Variants in KIAA1549 observed in about 807,000 individuals in gnomAD.
The protein encoded by KIAA1549 is UPF0606 protein KIAA1549.
In KIAA1549, 70 loss-of-function variants were observed where a neutral mutation model predicts 156.4. That is an observed-to-expected ratio of 0.45 (90% CI 0.37 to 0.55). KIAA1549 has a LOEUF of 0.55. Ranked by LOEUF, KIAA1549 falls within the 20% of genes least tolerant of loss-of-function variation. The pLI is 0.00. For synonymous variants in KIAA1549, 1,103 were observed against 1,066.4 expected (o/e 1.03, Z -0.67); for missense variants, 2,428 against 2,540.9 (o/e 0.96, Z 0.96).
chr7:138,885,935 C>A (rs963720564), intron 10 of KIAA1549, among the ~76,000 whole-genome samples: 5 of 152,140 alleles, frequency 3.3e-5, no homozygotes, highest in Admixed American at 3.3e-4. Flanking sequence ...CCTGTAGGAT[C>A]TGAGGCTACC....
At chr7:138,848,615 C>T (rs530298997) in intron 17 of KIAA1549, among the ~76,000 whole-genome samples, 29 of 152,236 alleles carry the variant, frequency 1.9e-4, no homozygotes, top group Admixed American at 1.1e-3. Flanking sequence ...GAGAAACTGG[C>T]CCTCAATTTC....
intron 17 of KIAA1549, among the ~76,000 whole-genome samples, chr7:138,847,070 C>G (rs1475329453): frequency 6.6e-6 from 1 of 152,222 alleles, no homozygotes; most frequent in African/African-American, 2.4e-5. Context: ...TAATCACAGT[C>G]TCTGGACCAT....
rs936230305 is a variant in KIAA1549 at position 138,835,062 on chromosome 7, T to C, written c.*2844A>G. On this transcript the variant is annotated 3_prime_UTR_variant, in exon 20 of 20. Coordinates refer to ENST00000422774, the MANE Select transcript of KIAA1549 (RefSeq NM_001164665.2). ...GAACTTTTAAAATAGGAAAAAAGAA[T>C]AGACATAAAATTCAACTGTTCATTG... 2.2e-5 allele frequency: 5 copies of C among 224,704 alleles called. No individual in the cohort carries two copies. The highest frequency in any genetic ancestry group is 8.9e-5 in the African/African-American group (4 of 44,806). 13.9% of individuals were successfully genotyped at this position (224,704 alleles called of 1,614,324 possible).
rs750870954 is a variant in KIAA1549 at position 138,918,492 on chromosome 7, T to C, written c.1134A>G (p.Ser378=). 1.2e-6 allele frequency: 2 copies of C among 1,613,976 alleles called. No individual in the cohort carries two copies. Among genetic ancestry groups the C allele is most frequent in the East Asian group, 4.5e-5 (2 of 44,862 alleles). Residue 378 remains serine, a synonymous_variant, in exon 2 of 20, where the codon TCA becomes TCG. Transcript: ENST00000422774. The surrounding 1 kb of genome is among the most constrained non-coding windows in gnomAD (Gnocchi z 4.2). ...AGTCGCTAGGGAGAAAGGGGTTAGA[T>C]GAAACATCAGTTGGTGAAGCAGAGG... ...FASSASPTDV[S]SNPFLPSDSS... is the part of the protein sequence containing the mutation.
intron 1 of KIAA1549, among the ~76,000 whole-genome samples, chr7:138,970,221 C>T (rs1814179152): frequency 6.6e-6 from 1 of 152,182 alleles, no homozygotes; most frequent in Admixed American, 6.5e-5. Flanking sequence ...GTTGCTTCTG[C>T]CTCCATCTCA....
In KIAA1549 at chr7:138,861,288, G is replaced by T; in HGVS notation, c.5098C>A (p.Pro1700Thr). The T allele has an allele frequency of 6.2e-7, 1 of 1,608,144 alleles. No homozygotes were observed. The highest frequency in any genetic ancestry group is 8.5e-7 in the Non-Finnish European group (1 of 1,178,192). Reference protein sequence around the residue: ...LLDDAFALVAPSSQPASTAGV... With the variant: ...LLDDAFALVATSSQPASTAGV... ...GCGGTGCTGGCAGGCTGGCTGCTGG[G>T]GGCCACGAGGGCAAAGGCGTCGTCC... The change falls in exon 16 of 20, where the codon CCC (proline) becomes ACC (threonine). Residue 1700 changes from proline (P) to threonine (T), a missense_variant. Pro to Thr is a conservative substitution (Grantham distance 38). Coordinates refer to ENST00000422774, the MANE Select transcript of KIAA1549 (RefSeq NM_001164665.2).
rs1809759535 is a variant in KIAA1549 at position 138,837,646 on chromosome 7, T to G, written c.*260A>C. 1.8e-6 allele frequency: 1 copy of G among 558,216 alleles called. No homozygotes were observed. The highest frequency in any genetic ancestry group is 1.9e-5 in the African/African-American group (1 of 53,352). 34.6% of individuals were successfully genotyped at this position (558,216 alleles called of 1,614,324 possible). On this transcript the variant is annotated 3_prime_UTR_variant, in exon 20 of 20. Transcript: ENST00000422774. ...TTGTTAGCTTAGGTTTGTGTTTTGT[T>G]TTTGTGAAGTGCTGCTGGCTTTTGG...
intron 1 of KIAA1549, among the ~76,000 whole-genome samples, chr7:138,955,112 T>C (rs1813623306): frequency 6.6e-6 from 1 of 152,158 alleles, no homozygotes; most frequent in African/African-American, 2.4e-5. Flanking sequence ...CCACTAGATT[T>C]CGAGGAAACT....
Position 138,950,361 on chromosome 7 carries a change from C to CT in KIAA1549, c.187+30721dup, listed in dbSNP as rs1356430717. 2.6e-5 allele frequency among the ~76,000 whole-genome samples: 4 copies of CT among 152,194 alleles called. No individual in the cohort carries two copies. In the East Asian group the frequency reaches 7.7e-4, roughly 29 times the overall value. ...CTAACAAAGTTTGAAAGCCACTCAA[C>CT]TAAGCTGGTCAGAAAAGGAAAGCCT... On this transcript the variant is annotated intron_variant, in intron 1 of 19. Transcript: ENST00000422774.
intron 1 of KIAA1549, among the ~76,000 whole-genome samples, chr7:138,922,918 G>A (rs1329134981): frequency 6.6e-6 from 1 of 151,846 alleles, no homozygotes; most frequent in East Asian, 1.9e-4. Flanking sequence ...AACGAACCAT[G>A]CAATTCAGAA....
intron 1 of KIAA1549, among the ~76,000 whole-genome samples, chr7:138,960,099 T>C (rs1488514855): frequency 2.6e-5 from 4 of 152,046 alleles, no homozygotes; most frequent in Non-Finnish European, 5.9e-5. Flanking sequence ...ATTTGTGCCC[T>C]GGAGCTCTGT....
chr7:138,832,144 G>A lies in KIAA1549; in HGVS notation c.*5762C>T, dbSNP rs1809550161. On this transcript the variant is annotated 3_prime_UTR_variant, in exon 20 of 20. Transcript: ENST00000422774. Reference sequence around the variant, plus strand: ...GGTTCTGTGTAATCAGGGACTGCAAGAGACTCAAGTCACTCAAAATTTCAC... The same window carrying A: ...GGTTCTGTGTAATCAGGGACTGCAAAAGACTCAAGTCACTCAAAATTTCAC... 4.8e-6 allele frequency: 1 copy of A among 206,228 alleles called. No individual in the cohort carries two copies. Among genetic ancestry groups the A allele is most frequent in the East Asian group, 6.8e-5 (1 of 14,716 alleles). 12.8% of individuals were successfully genotyped at this position (206,228 alleles called of 1,614,324 possible).
chr7:138,904,945 G>T, intron 7 of KIAA1549, 77 bp downstream of exon 7: 2 of 860,370 alleles, frequency 2.3e-6, no homozygotes, highest in Non-Finnish European at 1.8e-6. Flanking sequence ...AAACAAGAAA[G>T]GCAGCATCAT....
intron 1 of KIAA1549, among the ~76,000 whole-genome samples, chr7:138,962,745 C>T (rs1463915): frequency 0.22 from 32,738 of 152,060 alleles, 4,159 homozygotes; most frequent in African/African-American, 0.35. Context: ...GAATTCCTGA[C>T]CCGCAGAATC....
chr7:138,903,601 T>C lies in KIAA1549; in HGVS notation c.3656A>G (p.Asn1219Ser). 1 of 1,613,790 alleles carries C rather than the reference T, an allele frequency of 6.2e-7. No homozygotes were observed. Among genetic ancestry groups the C allele is most frequent in the Non-Finnish European group, 8.5e-7 (1 of 1,179,860 alleles). ...GATGTGGAGTACCTGCACCACACTG[T>C]TCCCTGCAGCTACAGTGGCCCTTCT... is the stretch of plus-strand genomic sequence containing the variant. ...MWRRATVAAG[N>S]SVVQVVNVSR... Residue 1219 changes from asparagine to serine, a missense_variant, in exon 8 of 20, where the codon AAC becomes AGC. Physicochemically the swap from Asn to Ser is conservative, Grantham distance 46. Transcript: ENST00000422774.
rs1246764319 is a variant in KIAA1549, at chr7:138,916,807, G to T, written c.2819C>A (p.Thr940Asn). The T allele has an allele frequency of 6.2e-7, 1 of 1,613,818 alleles. No homozygotes were observed. Among genetic ancestry groups the T allele is most frequent in the Non-Finnish European group, 8.5e-7 (1 of 1,179,878 alleles). The change falls in exon 2 of 20, where the codon ACT becomes AAT. Residue 940 changes from threonine to asparagine, a missense_variant. By Grantham distance (65) the Thr-to-Asn change is moderately conservative (BLOSUM62 0). Around this residue, in one of 5 missense-constraint regions of KIAA1549, gnomAD observed 762 missense variants for 901.6 expected, o/e 0.85. Coordinates refer to ENST00000422774, the MANE Select transcript of KIAA1549 (RefSeq NM_001164665.2). ...EATVDTPTLA[T>N]AKPPYVCDIT... Reference sequence around the variant, plus strand: ...ATCACAAACATATGGCGGCTTGGCAGTAGCCAGTGTTGGTGTGTCGACTGT... The same window carrying T: ...ATCACAAACATATGGCGGCTTGGCATTAGCCAGTGTTGGTGTGTCGACTGT...
At chr7:138,974,040 G>A (rs1471920054) in intron 1 of KIAA1549, among the ~76,000 whole-genome samples, 1 of 152,240 alleles carries the variant, frequency 6.6e-6, no homozygotes, top group African/African-American at 2.4e-5. Context: ...TGGAGCACGA[G>A]CACTGACAGT....
Position 138,868,068 on chromosome 7 carries a change from G to A in KIAA1549, c.4836C>T (p.Ala1612=), listed in dbSNP as rs752810128. The change falls in exon 15 of 20, where the codon GCC becomes GCT. Residue 1612 remains alanine (A), a synonymous_variant. Transcript: ENST00000422774. ...RRKHQVNGCP[A]DAEKDRLITT... is the part of the protein sequence containing the mutation. ...TGATGAGCCGGTCCTTCTCAGCGTC[G>A]GCAGGACAGCCGTTGACCTGGTGTT... The A allele has an allele frequency of 9.9e-6, 16 of 1,613,826 alleles. No homozygotes were observed. The highest frequency in any genetic ancestry group is 4.5e-5 in the East Asian group (2 of 44,878).
chr7:138,933,128 G>A (rs1435468820), intron 1 of KIAA1549, among the ~76,000 whole-genome samples: 1 of 152,186 alleles, frequency 6.6e-6, no homozygotes, highest in African/African-American at 2.4e-5. Flanking sequence ...CTAGTGAAGG[G>A]CAGATGAGGA....
Sources: gnomAD v4.1 joint callset for allele counts (sites outside exome capture counted in the v4.1 genomes callset) on GRCh38, gnomAD v4.1.1 for gene constraint, gnomAD v4.1.1 regional missense constraint, Gnocchi (gnomAD v3.1) non-coding constraint, MANE v1.5 for transcripts, NCBI Gene and HGNC (gene_info 2026-07-23, HGNC 2026-07-21) for gene names.